KIAA1671: variants seen among roughly 807,000 people sequenced by gnomAD.
KIAA1671 encodes the protein uncharacterized protein KIAA1671.
In KIAA1671, 52 loss-of-function variants were observed where a neutral mutation model predicts 131.2. The observed-to-expected ratio is 0.40, with a 90% CI of 0.32 to 0.50. The LOEUF is 0.50. Ranked by LOEUF, KIAA1671 falls within the 20% of genes least tolerant of loss-of-function variation. The probability of loss-of-function intolerance (pLI) is 0.73; values close to 1 mark genes in which losing one functional copy is unlikely to be tolerated. For synonymous variants in KIAA1671, 1,003 were observed against 961.6 expected (o/e 1.04, Z -0.80); for missense variants, 2,360 against 2,364.2 (o/e 1.00, Z 0.04).
At chr22:25,033,585 T>TTTTTTTTTTTTTTG (rs1926418137) in intron 4 of KIAA1671, among the ~76,000 whole-genome samples, 2 of 125,584 alleles carry the variant, frequency 1.6e-5, no homozygotes, top group Non-Finnish European at 3.4e-5. Context: ...TTTTTTTTTT[T>TTTTTTTTTTTTTTG]TTTTTTTTTT....
At chr22:25,144,147 T>G (rs1335745520) in intron 6 of KIAA1671, among the ~76,000 whole-genome samples, 1 of 152,230 alleles carries the variant, frequency 6.6e-6, no homozygotes, top group Non-Finnish European at 1.5e-5. Flanking sequence ...TCTCTCTCTT[T>G]CTCCTGCCCC....
intron 1 of KIAA1671, chr22:25,011,064 C>T (rs915324512): frequency 6.6e-6 from 1 of 152,104 alleles, no homozygotes; most frequent in Non-Finnish European, 1.5e-5. Flanking sequence ...GCAGCCTTCA[C>T]CTCCTGGGTT....
chr22:24,956,871 C>CAAA (rs60921102), intron 1 of KIAA1671, among the ~76,000 whole-genome samples: 20,170 of 102,664 alleles, frequency 0.2, 1,912 homozygotes, highest in South Asian at 0.27. Flanking sequence ...GACTCTGTCT[C>CAAA]AAAAAAAAAA....
chr22:25,189,098 CTCT>C (rs910388590), intron 11 of KIAA1671, among the ~76,000 whole-genome samples: 2 of 149,372 alleles, frequency 1.3e-5, no homozygotes, highest in Admixed American at 1.3e-4. Flanking sequence ...AAAGGCTTCC[CTCT>C]TCTTCCTGGG....
chr22:25,127,398 A>G (rs1932234089), intron 6 of KIAA1671, among the ~76,000 whole-genome samples: 3 of 152,060 alleles, frequency 2.0e-5, no homozygotes, highest in Non-Finnish European at 4.4e-5. Flanking sequence ...AAATGGTGCC[A>G]TTTTCTCTCC....
intron 6 of KIAA1671, chr22:25,051,988 A>G (rs9612838): frequency 0.15 from 23,222 of 152,234 alleles, 1,895 homozygotes; most frequent in African/African-American, 0.2. Context: ...GAGGCTCAGA[A>G]TGCTTCAGCC....
chr22:25,179,029 G>A (rs2236505), intron 9 of KIAA1671, among the ~76,000 whole-genome samples: 868 of 141,526 alleles, frequency 6.1e-3, no homozygotes, highest in Admixed American at 0.013. Context: ...CACGGTCACC[G>A]CCACCTCTCT....
intron 1 of KIAA1671, among the ~76,000 whole-genome samples, chr22:24,994,000 G>A (rs2123851262): frequency 6.6e-6 from 1 of 152,148 alleles, no homozygotes; most frequent in South Asian, 2.1e-4. Flanking sequence ...AGAATCGCTT[G>A]AACCCAGCAG....
chr22:25,081,647 T>TA (rs1483341468), intron 6 of KIAA1671, among the ~76,000 whole-genome samples: 2 of 151,320 alleles, frequency 1.3e-5, no homozygotes, highest in African/African-American at 4.9e-5. Context: ...TGTGCAGAGC[T>TA]ACACACTTTC....
In KIAA1671 at chr22:25,109,202, C is replaced by T. The variant is rs539201823; in HGVS notation, c.4530+59838C>T. ...TCAGCTCACTGCAACCTCTGCCTCT[C>T]GGGTTCAAGCGATTCTCCTGCCTCA... On this transcript the variant is annotated intron_variant, in intron 6 of 12. Transcript: ENST00000358431. Among the ~76,000 whole-genome samples the T allele has an allele frequency of 1.9e-4, 29 of 151,982 alleles. No individual in the cohort carries two copies. The South Asian group carries it at 3.5e-3, about 19-fold the overall frequency.
chr22:24,998,669 G>C (rs1038422663), intron 1 of KIAA1671, among the ~76,000 whole-genome samples: 1 of 144,646 alleles, frequency 6.9e-6, no homozygotes, highest in Non-Finnish European at 1.5e-5. Flanking sequence ...AGTGAGCCAA[G>C]ATCGCGCCAC....
At chr22:25,046,787 A>G (rs950036534) in intron 5 of KIAA1671, among the ~76,000 whole-genome samples, 8 of 152,152 alleles carry the variant, frequency 5.3e-5, no homozygotes, top group African/African-American at 1.9e-4. Context: ...CTATGGGAGT[A>G]ACACAGGGAA....
At chr22:25,145,775 C>CA (rs11435541) in intron 6 of KIAA1671, among the ~76,000 whole-genome samples, 21,933 of 151,664 alleles carry the variant, frequency 0.14, 1,592 homozygotes, top group South Asian at 0.22. Flanking sequence ...CCCATCTCTA[C>CA]AAAAAAAATT....
chr22:24,961,064 A>C (rs972779329), intron 1 of KIAA1671, among the ~76,000 whole-genome samples: 1 of 152,088 alleles, frequency 6.6e-6, no homozygotes, highest in African/African-American at 2.4e-5. Flanking sequence ...GCTGGAATGC[A>C]GTGGTGCGAT....
intron 1 of KIAA1671, among the ~76,000 whole-genome samples, chr22:25,002,796 TA>T (rs1306551445): frequency 1.3e-5 from 2 of 151,884 alleles, no homozygotes; most frequent in East Asian, 1.9e-4. Context: ...TTTTTTTTTT[TA>T]AAGACAGGAT....
chr22:25,015,400 A>G (rs544501814), intron 1 of KIAA1671, among the ~76,000 whole-genome samples: 30 of 152,244 alleles, frequency 2.0e-4, no homozygotes, highest in Admixed American at 3.3e-4. Flanking sequence ...ACGGGGGGAA[A>G]CAGCAGCTTA....
At chr22:25,191,146 T>C (rs1345742306) in intron 12 of KIAA1671, among the ~76,000 whole-genome samples, 1 of 41,302 alleles carries the variant, frequency 2.4e-5, no homozygotes. Flanking sequence ...AAATGGTTAC[T>C]TTTTTTTTTT....
At position 25,177,433 on chromosome 22, in the gene KIAA1671, C is replaced by T; in HGVS notation, c.4985C>T (p.Ser1662Phe). The change falls in exon 9 of 13, where the codon TCC becomes TTC. Residue 1662 changes from serine to phenylalanine, a missense_variant. Ser to Phe is a radical substitution (Grantham distance 155, BLOSUM62 -2). Around this residue, in one of 3 missense-constraint regions of KIAA1671, gnomAD observed 1,161 missense variants for 1,204.7 expected, o/e 0.96. Transcript: ENST00000358431. ...CGCCGCCGGGCCCCCATCTCCCACT[C>T]CCTCCGGCGCAGCCGATTTAGTGAG... is the stretch of plus-strand genomic sequence containing the variant. ...RSRRRAPISH[S>F]LRRSRFSESE... The T allele has an allele frequency of 1.3e-6, 2 of 1,551,752 alleles. No individual in the cohort carries two copies.
At chr22:25,153,152 G>T (rs1933105603) in intron 6 of KIAA1671, among the ~76,000 whole-genome samples, 1 of 152,096 alleles carries the variant, frequency 6.6e-6, no homozygotes. Flanking sequence ...CAGATAAATT[G>T]TATATCTGTA....
Sources: allele counts gnomAD v4.1 joint callset (sites outside exome capture counted in the v4.1 genomes callset), GRCh38; gene constraint gnomAD v4.1.1; regional missense constraint gnomAD v4.1.1; transcripts MANE v1.5; gene names NCBI Gene and HGNC (gene_info 2026-07-23, HGNC 2026-07-21).